The following PTPRS variants were observed in gnomAD, a reference collection of about 807,000 sequenced individuals.
The protein encoded by PTPRS is protein tyrosine phosphatase receptor type S.
Under a neutral mutation model 215.3 loss-of-function variants are expected in PTPRS, and 63 were observed. That is an observed-to-expected ratio of 0.29 (90% CI 0.24 to 0.36). The LOEUF is 0.36. Among genes scored for constraint, PTPRS ranks in the 10% least tolerant of loss-of-function variants. The pLI, the probability that PTPRS is intolerant of heterozygous loss-of-function variation, is 1.00. For synonymous variants in PTPRS, 1,404 were observed against 1,191.4 expected (o/e 1.18, Z -3.68); for missense variants, 2,258 against 2,825.8 (o/e 0.80, Z 4.56).
intron 1 of PTPRS, among the ~76,000 whole-genome samples, chr19:5,321,089 T>C (rs1224956403): frequency 1.3e-5 from 2 of 151,918 alleles, no homozygotes; most frequent in Admixed American, 6.6e-5. Context: ...TAACAAGACC[T>C]TGTCTCTACA....
intron 2 of PTPRS, among the ~76,000 whole-genome samples, chr19:5,275,028 C>T (rs956937905): frequency 6.6e-6 from 1 of 151,500 alleles, no homozygotes; most frequent in Non-Finnish European, 1.5e-5. Flanking sequence ...TTAACCTCTC[C>T]AACAGCATGG....
In PTPRS at chr19:5,212,171, C is replaced by A. The variant is rs144570007; in HGVS notation, c.4849G>T (p.Val1617Phe). 6.3e-5 allele frequency: 102 copies of A among 1,614,068 alleles called. No individual in the cohort carries two copies. The highest frequency in any genetic ancestry group is 8.1e-5 in the Non-Finnish European group (96 of 1,180,056). The change falls in exon 32 of 38, where the codon GTC becomes TTC. Residue 1617 changes from valine to phenylalanine, a missense_variant. Coordinates refer to ENST00000262963, the MANE Select transcript of PTPRS (RefSeq NM_002850.4). ...ERIKPEKTVDVYGHVTLMRSQ... is the reference protein window; with the variant it reads ...ERIKPEKTVDFYGHVTLMRSQ... ...CTCATGAGCGTCACGTGGCCATAGA[C>A]ATCGACTGTCTTCTCTGGCTTGATC...
At chr19:5,305,856 C>T (rs934784841) in intron 1 of PTPRS, among the ~76,000 whole-genome samples, 4 of 131,308 alleles carry the variant, frequency 3.0e-5, no homozygotes, top group Non-Finnish European at 6.2e-5. Flanking sequence ...AGGAGAATGG[C>T]GTGAACCCGG....
chr19:5,216,234 C>T (rs2041436603), intron 26 of PTPRS, among the ~76,000 whole-genome samples: 1 of 152,064 alleles, frequency 6.6e-6, no homozygotes, highest in Non-Finnish European at 1.5e-5. Flanking sequence ...CTTTCAAGCC[C>T]CCTAGGATGG....
At position 5,211,702 on chromosome 19, in the gene PTPRS, T is replaced by G; in HGVS notation, c.5122A>C (p.Lys1708Gln). The G allele has an allele frequency of 6.2e-7, 1 of 1,614,100 alleles. No individual in the cohort carries two copies. The highest frequency in any genetic ancestry group is 1.3e-5 in the African/African-American group (1 of 75,032). ...GGCATGATGTTCACCAGGCGGTTCTTGAACTTGTTACAAGGCAGATTGGCA... is the reference window on the plus strand; with the variant it reads ...GGCATGATGTTCACCAGGCGGTTCTGGAACTTGTTACAAGGCAGATTGGCA... ...ISANLPCNKF[K>Q]NRLVNIMPYE... Residue 1708 changes from lysine (K) to glutamine (Q), a missense_variant, in exon 33 of 38, where the codon AAG becomes CAG. Coordinates refer to ENST00000262963, the MANE Select transcript of PTPRS (RefSeq NM_002850.4).
intron 6 of PTPRS, among the ~76,000 whole-genome samples, chr19:5,261,782 C>A (rs2046013156): frequency 6.6e-6 from 1 of 152,218 alleles, no homozygotes; most frequent in African/African-American, 2.4e-5. Context: ...GGATGAGGAG[C>A]TTCTGGCCTG....
intron 4 of PTPRS, among the ~76,000 whole-genome samples, chr19:5,266,803 C>T (rs1568519138): frequency 6.6e-6 from 1 of 152,162 alleles, no homozygotes; most frequent in African/African-American, 2.4e-5. Flanking sequence ...GCCCAGTCAC[C>T]CTGGCCTCCA....
chr19:5,305,050 A>G (rs1378548599), intron 1 of PTPRS, among the ~76,000 whole-genome samples: 1 of 152,034 alleles, frequency 6.6e-6, no homozygotes, highest in East Asian at 1.9e-4. Context: ...GGTCCTGGGT[A>G]GGAGAAGGTG....
chr19:5,274,811 T>A (rs1439726057), intron 2 of PTPRS, among the ~76,000 whole-genome samples: 2 of 152,122 alleles, frequency 1.3e-5, no homozygotes, highest in Non-Finnish European at 2.9e-5. Flanking sequence ...TTGGTCTAAT[T>A]TCCTGGTGAG....
rs1276538712 is a variant in PTPRS, at chr19:5,205,587, A to G, written c.*1187T>C. On this transcript the variant is annotated 3_prime_UTR_variant, in exon 38 of 38. Transcript: ENST00000262963. ...AAAACCACCCGGCTGCTTCCGCTGGAATAAACAGTGTTGAAAGTAACCGCA... is the reference window on the plus strand; with the variant it reads ...AAAACCACCCGGCTGCTTCCGCTGGGATAAACAGTGTTGAAAGTAACCGCA... 2.6e-5 allele frequency among the ~76,000 whole-genome samples: 4 copies of G among 152,226 alleles called. No individual in the cohort carries two copies. In the East Asian group the frequency reaches 7.7e-4, roughly 29 times the overall value.
chr19:5,327,707 C>A (rs2050207223), intron 1 of PTPRS, among the ~76,000 whole-genome samples: 1 of 152,050 alleles, frequency 6.6e-6, no homozygotes, highest in African/African-American at 2.4e-5. Flanking sequence ...CTCAAGCAAT[C>A]CTCCCACCTC....
chr19:5,303,950 C>CAAAAAAAAAAAAAAAATAAATAAAA (rs1555805672), intron 1 of PTPRS, among the ~76,000 whole-genome samples: 3 of 95,698 alleles, frequency 3.1e-5, no homozygotes, highest in Admixed American at 1.1e-4. Flanking sequence ...GACTCTGTCT[C>CAAAAAAAAAAAAAAAATAAATAAAA]AAAAAATAAT....
At chr19:5,223,525 G>A (rs913275737) in intron 17 of PTPRS, among the ~76,000 whole-genome samples, 2 of 151,236 alleles carry the variant, frequency 1.3e-5, no homozygotes, top group Admixed American at 6.6e-5. Context: ...CAAAGTGCTA[G>A]GATTATAAGG....
chr19:5,308,424 C>G (rs548976118), intron 1 of PTPRS, among the ~76,000 whole-genome samples: 1 of 152,120 alleles, frequency 6.6e-6, no homozygotes, highest in Non-Finnish European at 1.5e-5. Context: ...CTATAGTGTC[C>G]CCAGTCCCAG....
At chr19:5,337,400 C>G (rs1373988278) in intron 1 of PTPRS, among the ~76,000 whole-genome samples, 1 of 152,162 alleles carries the variant, frequency 6.6e-6, no homozygotes, top group Non-Finnish European at 1.5e-5. Flanking sequence ...CAAGTCACAC[C>G]GTCCCTGCCC....
rs988866842 is a variant in PTPRS at position 5,229,829 on chromosome 19, G to A, written c.2156-145C>T. 3.1e-5 allele frequency: 15 copies of A among 476,356 alleles called. No homozygotes were observed. In the South Asian group the frequency reaches 4.0e-4, roughly 13 times the overall value. 29.5% of individuals were successfully genotyped at this position (476,356 alleles called of 1,614,324 possible). Reference sequence around the variant, plus strand: ...GCGCTCTTAGCGCTCACCACCGGGCGGGAGGACATGGCCTCCTGCACACCC... The same window carrying A: ...GCGCTCTTAGCGCTCACCACCGGGCAGGAGGACATGGCCTCCTGCACACCC... On this transcript the variant is annotated intron_variant, in intron 14 of 37. Coordinates refer to ENST00000262963, the MANE Select transcript of PTPRS (RefSeq NM_002850.4).
chr19:5,292,480 G>A (rs988106682), intron 1 of PTPRS, among the ~76,000 whole-genome samples: 4 of 152,144 alleles, frequency 2.6e-5, no homozygotes, highest in African/African-American at 9.7e-5. Context: ...GTCCTGGAAC[G>A]GCTTAGAGCC....
rs373235327 is a variant in PTPRS, at chr19:5,260,831, G to A, written c.578-9C>T. On this transcript the variant is annotated splice_polypyrimidine_tract_variant and intron_variant, in intron 6 of 37. Coordinates refer to ENST00000262963, the MANE Select transcript of PTPRS (RefSeq NM_002850.4). ...TCGAATCGGAGTGCTTTCTGTAAGG[G>A]AAGCAGAGAGAACCAGGTGAATGTC... 1 of 1,613,248 alleles carries A rather than the reference G, an allele frequency of 6.2e-7. No homozygotes were observed. Among genetic ancestry groups the A allele is most frequent in the South Asian group, 1.1e-5 (1 of 91,002 alleles).
chr19:5,337,674 C>A (rs554961988), intron 1 of PTPRS, among the ~76,000 whole-genome samples: 47 of 152,256 alleles, frequency 3.1e-4, no homozygotes, highest in Non-Finnish European at 5.9e-5. Flanking sequence ...AGGCTCTATG[C>A]GACCCAAAGA....
Sources: gnomAD v4.1 joint callset for allele counts (sites outside exome capture counted in the v4.1 genomes callset) on GRCh38, gnomAD v4.1.1 for gene constraint, MANE v1.5 for transcripts, NCBI Gene and HGNC (gene_info 2026-07-23, HGNC 2026-07-21) for gene names.